The following GSK3A variants were observed in gnomAD, a reference collection of about 807,000 sequenced individuals.
The protein encoded by GSK3A is glycogen synthase kinase-3 alpha.
Under a neutral mutation model 56.6 loss-of-function variants are expected in GSK3A, and 14 were observed. That is an observed-to-expected ratio of 0.25 (90% CI 0.16 to 0.39). The LOEUF is 0.39. Ranked by LOEUF, GSK3A falls within the 10% of genes least tolerant of loss-of-function variation. GSK3A has a pLI of 1.00. For missense variants in GSK3A, 450 were observed against 656.0 expected (o/e 0.69, Z 3.43); for synonymous variants, 301 against 285.0 (o/e 1.06, Z -0.56).
chr19:42,242,334 G>T lies in GSK3A; in HGVS notation c.132C>A (p.Gly44=), dbSNP rs758971937. Residue 44 remains glycine (G), a synonymous_variant, in exon 1 of 11, where the codon GGC becomes GGA. Coordinates refer to ENST00000222330, the MANE Select transcript of GSK3A (RefSeq NM_019884.3). ...CAGATGCCTTTCCGCCGCCGGTGCC[G>T]CCTGGGCCGGAGGCCGAGCCTCCGG... ...GGPGGSASGP[G]GTGGGKASVG... 2 of 1,427,204 alleles carry T rather than the reference G, an allele frequency of 1.4e-6. No individual in the cohort carries two copies. The highest frequency in any genetic ancestry group is 1.5e-5 in the African/African-American group (1 of 66,678). 88.4% of individuals were successfully genotyped at this position (1,427,204 alleles called of 1,614,324 possible).
rs759188321 is a variant in GSK3A at position 42,234,136 on chromosome 19, C to T, written c.904+217G>A. ...TCAGGTCAGCTTTCAAATCCCAGTC[C>T]TGCCCAGTCCTAGTGGTGCCAGTGC... On this transcript the variant is annotated intron_variant, in intron 6 of 10. Transcript: ENST00000222330. This position sits in a 1 kb window ranked among gnomAD's most constrained non-coding sequence, Gnocchi z 5.7. 2.0e-5 allele frequency among the ~76,000 whole-genome samples: 3 copies of T among 152,184 alleles called. No homozygotes were observed. Among genetic ancestry groups the T allele is most frequent in the Non-Finnish European group, 4.4e-5 (3 of 68,040 alleles).
At chr19:42,232,704 C>T (rs376444502) in intron 8 of GSK3A, 22 bp from the exon 9 acceptor site, 1 of 1,534,878 alleles carries the variant, frequency 6.5e-7, no homozygotes, top group Non-Finnish European at 8.8e-7. Flanking sequence ...GTGCAGGGCT[C>T]ATGAGGGTGA....
Position 42,232,572 on chromosome 19 carries a change from A to G in GSK3A, c.1209T>C (p.Phe403=). 1 of 1,614,160 alleles carries G rather than the reference A, an allele frequency of 6.2e-7. No individual in the cohort carries two copies. The highest frequency in any genetic ancestry group is 1.3e-5 in the African/African-American group (1 of 75,044). The change falls in exon 9 of 11, where the codon TTT becomes TTC. Residue 403 remains phenylalanine (F), a synonymous_variant. Coordinates refer to ENST00000222330, the MANE Select transcript of GSK3A (RefSeq NM_019884.3). The part of the protein sequence containing the change: ...SPLEACAHSF[F]DELRCLGTQL... ...GGGTTCCCAGACATCGCAGTTCATC[A>G]AAGAAGCTGTGCGCACAGGCCTCTA...
chr19:42,239,013 C>A (rs929501193), intron 2 of GSK3A, among the ~76,000 whole-genome samples: 1 of 152,038 alleles, frequency 6.6e-6, no homozygotes. Context: ...TGCCCCCCTA[C>A]CTGGCACAAG....
chr19:42,241,323 C>T (rs981945994), intron 1 of GSK3A: 8 of 152,230 alleles, frequency 5.3e-5, no homozygotes, highest in Admixed American at 2.0e-4. Context: ...GGGCCAGTGA[C>T]AAGTTCTTTC....
chr19:42,242,093 CCTAT>C (rs2036295664), intron 1 of GSK3A, 86 bp downstream of exon 1: 1 of 1,157,784 alleles, frequency 8.6e-7, no homozygotes, highest in African/African-American at 1.6e-5. Flanking sequence ...ACCTCGAGCT[CCTAT>C]CTAAGCACAT....
Position 42,233,412 on chromosome 19 carries a change from C to T in GSK3A, c.905-29G>A, listed in dbSNP as rs1434206525. ...AGGGGAAATGGAGGGAGCGTCAGGGCTAGGCGAGTAGGGCCACCAACCTCC... is the reference window on the plus strand; with the variant it reads ...AGGGGAAATGGAGGGAGCGTCAGGGTTAGGCGAGTAGGGCCACCAACCTCC... On this transcript the variant is annotated intron_variant, in intron 6 of 10. Coordinates refer to ENST00000222330, the MANE Select transcript of GSK3A (RefSeq NM_019884.3). 4.1e-6 allele frequency: 6 copies of T among 1,460,198 alleles called. No homozygotes were observed. In the Admixed American group the frequency reaches 7.8e-5, roughly 19 times the overall value. 90.5% of individuals were successfully genotyped at this position (1,460,198 alleles called of 1,614,324 possible).
At chr19:42,233,760 C>T (rs575599147) in intron 6 of GSK3A, among the ~76,000 whole-genome samples, 5 of 152,316 alleles carry the variant, frequency 3.3e-5, no homozygotes, top group African/African-American at 1.2e-4. Flanking sequence ...TCCAGCCTCT[C>T]TCCTGCCCAT....
At position 42,242,187 on chromosome 19, in the gene GSK3A, C is replaced by T; in HGVS notation, c.279G>A (p.Leu93=). The change falls in exon 1 of 11, where the codon CTG becomes CTA. Residue 93 remains leucine (L), a synonymous_variant. Transcript: ENST00000222330. The stretch of plus-strand genomic sequence containing the variant: ...ACGGGCGCCACTAGTACTCACGGCC[C>T]AGCTTCACCCCGGGCGGCGGGAAGC... ...GTSFPPPGVK[L]GRDSGKVTTV... is the part of the protein sequence containing the mutation. 7.1e-7 allele frequency: 1 copy of T among 1,416,910 alleles called. No homozygotes were observed. The highest frequency in any genetic ancestry group is 9.2e-7 in the Non-Finnish European group (1 of 1,089,274). 87.8% of individuals were successfully genotyped at this position (1,416,910 alleles called of 1,614,324 possible).
Position 42,236,486 on chromosome 19 carries a change from G to A in GSK3A, c.666+120C>T. On this transcript the variant is annotated intron_variant, in intron 4 of 10. Transcript: ENST00000222330. ...GGGGGTTATGGGAACAACAGCAGGG[G>A]ACATGGGGCCTCCAAAAACCAACAT... 4.1e-6 allele frequency: 3 copies of A among 731,314 alleles called. No homozygotes were observed. The South Asian group carries it at 4.4e-5, about 11-fold the overall frequency. The allele number at this position is 731,314 out of a possible 1,614,324, so 45.3% of individuals were successfully genotyped here.
At chr19:42,241,874 A>G (rs2146940940) in intron 1 of GSK3A, 1 of 277,862 alleles carries the variant, frequency 3.6e-6, no homozygotes, top group East Asian at 6.0e-5. Context: ...CTGATCCAAT[A>G]TTATAATGAA....
Position 42,242,328 on chromosome 19 carries a change from G to C in GSK3A, c.138C>G (p.Thr46=), listed in dbSNP as rs1170733575. The part of the protein sequence containing the change: ...PGGSASGPGG[T]GGGKASVGAM... ...CCCCGACAGATGCCTTTCCGCCGCC[G>C]GTGCCGCCTGGGCCGGAGGCCGAGC... The change falls in exon 1 of 11, where the codon ACC becomes ACG. Residue 46 remains threonine (T), a synonymous_variant. Coordinates refer to ENST00000222330, the MANE Select transcript of GSK3A (RefSeq NM_019884.3). The C allele has an allele frequency of 1.4e-6, 2 of 1,430,912 alleles. No individual in the cohort carries two copies. The highest frequency in any genetic ancestry group is 3.1e-5 in the East Asian group (1 of 32,718). 88.6% of individuals were successfully genotyped at this position (1,430,912 alleles called of 1,614,324 possible).
intron 6 of GSK3A, 100 bp from the exon 7 acceptor site, chr19:42,233,483 C>T (rs971408071): frequency 2.5e-5 from 20 of 787,932 alleles, no homozygotes; most frequent in Middle Eastern, 3.7e-4. Flanking sequence ...TCAGGAGCCC[C>T]GTTTTCTCAA....
In GSK3A at chr19:42,242,186, C is replaced by G. The variant is rs747329882; in HGVS notation, c.280G>C (p.Gly94Arg). ...TSFPPPGVKL[G>R]RDSGKVTTVV... is the part of the protein sequence containing the mutation. ...CACGGGCGCCACTAGTACTCACGGCCCAGCTTCACCCCGGGCGGCGGGAAG... is the reference window on the plus strand; with the variant it reads ...CACGGGCGCCACTAGTACTCACGGCGCAGCTTCACCCCGGGCGGCGGGAAG... Residue 94 changes from glycine (G) to arginine (R), a missense_variant, in exon 1 of 11, where the codon GGC (glycine) becomes CGC (arginine). By Grantham distance (125) the Gly-to-Arg change is moderately radical. Coordinates refer to ENST00000222330, the MANE Select transcript of GSK3A (RefSeq NM_019884.3). The G allele has an allele frequency of 2.8e-6, 4 of 1,415,576 alleles. No individual in the cohort carries two copies. The highest frequency in any genetic ancestry group is 1.8e-6 in the Non-Finnish European group (2 of 1,088,482). 87.7% of individuals were successfully genotyped at this position (1,415,576 alleles called of 1,614,324 possible).
intron 10 of GSK3A, among the ~76,000 whole-genome samples, chr19:42,231,617 T>C (rs901114996): frequency 6.6e-6 from 1 of 151,628 alleles, no homozygotes; most frequent in Admixed American, 6.6e-5. Flanking sequence ...CTAGTAAAAA[T>C]ACAAAAATTA....
At chr19:42,236,510 AT>A in intron 4 of GSK3A, 95 bp downstream of exon 4, 1 of 810,618 alleles carries the variant, frequency 1.2e-6, no homozygotes, top group South Asian at 1.3e-5. Flanking sequence ...AAAAACCAAC[AT>A]AAACTTGGCG....
At position 42,240,044 on chromosome 19, in the gene GSK3A, C is replaced by T; in HGVS notation, c.382G>A (p.Gly128Ser). Residue 128 changes from glycine to serine, a missense_variant, in exon 2 of 11, where the codon GGC (glycine) becomes AGC (serine). By Grantham distance (56) the Gly-to-Ser change is moderately conservative (BLOSUM62 0). Around this residue, in one of 3 missense-constraint regions of GSK3A, gnomAD observed 144 missense variants for 308.0 expected, o/e 0.47. Transcript: ENST00000222330. ...GCCTGGTACACGACCCCAAATGAGC[C>T]ATTGCCAATCACTTTGATGTCCGTG... Reference protein sequence around the residue: ...AYTDIKVIGNGSFGVVYQARL... With the variant: ...AYTDIKVIGNSSFGVVYQARL... 1 of 1,614,180 alleles carries T rather than the reference C, an allele frequency of 6.2e-7. No individual in the cohort carries two copies. The highest frequency in any genetic ancestry group is 8.5e-7 in the Non-Finnish European group (1 of 1,180,010).
At position 42,230,813 on chromosome 19, in the gene GSK3A, G is replaced by A; in HGVS notation, c.1433C>T (p.Thr478Ile). Reference protein sequence around the residue: ...SDWQSTDATPTLTNSS With the variant: ...SDWQSTDATPILTNSS ...GGGCCCTCAGGAGGAGTTAGTGAGG[G>A]TAGGTGTGGCATCGGTCGACTGCCA... Residue 478 changes from threonine to isoleucine, a missense_variant, in exon 11 of 11, where the codon ACC becomes ATC. Around this residue, in one of 3 missense-constraint regions of GSK3A, gnomAD observed 113 missense variants for 147.5 expected, o/e 0.77. Coordinates refer to ENST00000222330, the MANE Select transcript of GSK3A (RefSeq NM_019884.3). 1 of 1,562,180 alleles carries A rather than the reference G, an allele frequency of 6.4e-7. No homozygotes were observed. The highest frequency in any genetic ancestry group is 1.4e-5 in the African/African-American group (1 of 73,712).
At position 42,233,260 on chromosome 19, in the gene GSK3A, C is replaced by T. The variant is rs762576668; in HGVS notation, c.1002+26G>A. 3.4e-6 allele frequency: 5 copies of T among 1,477,636 alleles called. No homozygotes were observed. In the South Asian group the frequency reaches 5.8e-5, roughly 17 times the overall value. 91.5% of individuals were successfully genotyped at this position (1,477,636 alleles called of 1,614,324 possible). Reference sequence around the variant, plus strand: ...GGGCCCCATCCCTCAGCCCCACCCCCTGCCCAGCCCAGCCCCGCCCCTCAC... The same window carrying T: ...GGGCCCCATCCCTCAGCCCCACCCCTTGCCCAGCCCAGCCCCGCCCCTCAC... On this transcript the variant is annotated intron_variant, in intron 7 of 10. Coordinates refer to ENST00000222330, the MANE Select transcript of GSK3A (RefSeq NM_019884.3).
Sources: allele counts gnomAD v4.1 joint callset (sites outside exome capture counted in the v4.1 genomes callset), GRCh38; gene constraint gnomAD v4.1.1; regional missense constraint gnomAD v4.1.1; non-coding constraint Gnocchi (gnomAD v3.1); transcripts MANE v1.5; gene names NCBI Gene and HGNC (gene_info 2026-07-23, HGNC 2026-07-21).